Variants in GRIP1 observed in about 807,000 individuals in gnomAD.
GRIP1 encodes the protein glutamate receptor-interacting protein 1.
GRIP1 carries 45 observed loss-of-function variants against 129.9 expected under a neutral mutation model. The ratio of observed to expected loss-of-function variants is 0.35; its 90% CI spans 0.27 to 0.44. The LOEUF (loss-of-function observed/expected upper bound fraction) is 0.44. GRIP1 is among the 20% of genes least tolerant of loss of function. The pLI is 1.00. For missense variants in GRIP1, 1,196 were observed against 1,396.8 expected, an observed-to-expected ratio of 0.86 and a Z score of 2.29; for synonymous variants, 530 against 520.8, an observed-to-expected ratio of 1.02 and a Z score of -0.24.
chr12:66,709,099 TA>T (rs1565980262), intron 1 of GRIP1, among the ~76,000 whole-genome samples: 2 of 151,522 alleles, frequency 1.3e-5, no homozygotes, highest in African/African-American at 4.8e-5. Context: ...ATACAGCAAA[TA>T]AAAAGAAATA....
chr12:66,885,571 G>A (rs2040552192), intron 1 of GRIP1, among the ~76,000 whole-genome samples: 1 of 152,160 alleles, frequency 6.6e-6, no homozygotes, highest in Non-Finnish European at 1.5e-5. Context: ...GCTAAGATCA[G>A]ATCACAGATC....
chr12:66,892,516 T>G (rs1036227447), intron 1 of GRIP1, among the ~76,000 whole-genome samples: 1 of 152,190 alleles, frequency 6.6e-6, no homozygotes, highest in Admixed American at 6.6e-5. Context: ...ACAGCTGGCA[T>G]TGGTACAATA....
chr12:66,361,673 C>A (rs1311537164), intron 23 of GRIP1, among the ~76,000 whole-genome samples: 1 of 151,850 alleles, frequency 6.6e-6, no homozygotes, highest in East Asian at 2.0e-4. Context: ...GTGGCGGAGT[C>A]CCTGTTGCGG....
At chr12:66,815,824 C>CTTTCTTTCTTTCTTTCTT (rs1555241759) in intron 1 of GRIP1, among the ~76,000 whole-genome samples, 165 of 80,846 alleles carry the variant, frequency 2.0e-3, no homozygotes, top group African/African-American at 8.0e-3. Flanking sequence ...TGAAAGATTT[C>CTTTCTTTCTTTCTTTCTT]TTTCTTTCTT....
chr12:67,061,704 G>A (rs576563245), intron 1 of GRIP1, among the ~76,000 whole-genome samples: 2 of 152,048 alleles, frequency 1.3e-5, no homozygotes, highest in Admixed American at 1.3e-4. Context: ...TTTCCTTTAA[G>A]AATAGGTAAT....
At chr12:67,033,292 T>TATATATAA (rs2043049962) in intron 1 of GRIP1, among the ~76,000 whole-genome samples, 2 of 145,550 alleles carry the variant, frequency 1.4e-5, no homozygotes, top group Non-Finnish European at 3.0e-5. Flanking sequence ...TATATATATA[T>TATATATAA]AAAGACAAAT....
intron 1 of GRIP1, among the ~76,000 whole-genome samples, chr12:66,908,232 A>G (rs1566827): frequency 0.11 from 16,206 of 152,208 alleles, 1,278 homozygotes; most frequent in African/African-American, 0.2. Flanking sequence ...GATGAATAAG[A>G]GAGTGCAGAA....
intron 1 of GRIP1, among the ~76,000 whole-genome samples, chr12:66,629,736 A>G (rs974900569): frequency 3.4e-4 from 52 of 152,238 alleles, no homozygotes; most frequent in African/African-American, 1.2e-3. Context: ...TGCTTTCTCC[A>G]TGAGGGAGTG....
At chr12:67,045,504 A>G (rs2043240211) in intron 1 of GRIP1, among the ~76,000 whole-genome samples, 1 of 152,334 alleles carries the variant, frequency 6.6e-6, no homozygotes, top group South Asian at 2.1e-4. Context: ...GCCATAATGA[A>G]GGACATGTCT....
intron 7 of GRIP1, among the ~76,000 whole-genome samples, chr12:66,470,713 T>C (rs532676943): frequency 2.1e-4 from 32 of 152,190 alleles, no homozygotes; most frequent in African/African-American, 7.2e-4. Flanking sequence ...AAGCAACACA[T>C]GGTACACTCA....
chr12:66,415,436 T>C (rs751569510), intron 15 of GRIP1, among the ~76,000 whole-genome samples: 7 of 151,990 alleles, frequency 4.6e-5, no homozygotes, highest in Admixed American at 1.3e-4. Flanking sequence ...GCCGGTGAGG[T>C]TGCAGAGAAA....
intron 23 of GRIP1, among the ~76,000 whole-genome samples, chr12:66,371,244 T>A (rs1053412686): frequency 2.6e-5 from 4 of 151,038 alleles, no homozygotes; most frequent in Admixed American, 2.6e-4. Flanking sequence ...CTGCAACCTC[T>A]GTCTCCTGGG....
chr12:66,508,829 G>A (rs2060615809), intron 7 of GRIP1, among the ~76,000 whole-genome samples: 1 of 152,144 alleles, frequency 6.6e-6, no homozygotes. Flanking sequence ...TGCCGTCTGT[G>A]GTTCTCCCCA....
intron 1 of GRIP1, among the ~76,000 whole-genome samples, chr12:66,945,452 G>A (rs938854402): frequency 1.7e-4 from 26 of 152,202 alleles, no homozygotes; most frequent in African/African-American, 5.8e-4. Flanking sequence ...AGGCTGTGCA[G>A]GAAGCATGGT....
intron 14 of GRIP1, among the ~76,000 whole-genome samples, chr12:66,421,539 C>A (rs553553632): frequency 6.6e-6 from 1 of 152,026 alleles, no homozygotes; most frequent in Non-Finnish European, 1.5e-5. Context: ...AGCAAAACTC[C>A]GTCTTGATCA....
intron 2 of GRIP1, among the ~76,000 whole-genome samples, chr12:66,550,083 A>G (rs1441958220): frequency 2.6e-5 from 4 of 152,216 alleles, no homozygotes; most frequent in African/African-American, 9.6e-5. Flanking sequence ...CTGCTTTTAA[A>G]ATATGGCAAT....
At chr12:66,928,433 A>G (rs1326189202) in intron 1 of GRIP1, among the ~76,000 whole-genome samples, 1 of 152,238 alleles carries the variant, frequency 6.6e-6, no homozygotes, top group Non-Finnish European at 1.5e-5. Context: ...ACTTAGAAGT[A>G]CTTTACTTTT....
chr12:66,750,826 T>C (rs990622208), intron 1 of GRIP1, among the ~76,000 whole-genome samples: 3 of 152,094 alleles, frequency 2.0e-5, no homozygotes, highest in Non-Finnish European at 4.4e-5. Flanking sequence ...ACCTGTGAAA[T>C]AGGGGTTAAG....
At chr12:66,905,695 T>A (rs1375323473) in intron 1 of GRIP1, among the ~76,000 whole-genome samples, 1 of 152,226 alleles carries the variant, frequency 6.6e-6, no homozygotes, top group Non-Finnish European at 1.5e-5. Context: ...AAGGTCTTAT[T>A]ATAGCTCATA....
Sources: gnomAD v4.1 joint callset for allele counts (sites outside exome capture counted in the v4.1 genomes callset) on GRCh38, gnomAD v4.1.1 for gene constraint, MANE v1.5 for transcripts, NCBI Gene and HGNC (gene_info 2026-07-23, HGNC 2026-07-21) for gene names.